Variants in SLC38A12 observed in about 807,000 individuals in gnomAD.
SLC38A12 encodes solute carrier family 38 member 12, also known as putative sodium-coupled neutral amino acid transporter 12.
the SLC38A12 span, among the ~76,000 whole-genome samples, chr17:74,811,603 C>T: frequency 6.6e-6 from 1 of 151,812 alleles, no homozygotes; most frequent in Non-Finnish European, 1.5e-5. Context: ...TGCCTGTAGC[C>T]CCAGCTACCT....
the SLC38A12 span, chr17:74,777,718 A>G: frequency 1.1e-5 from 9 of 812,356 alleles, no homozygotes; most frequent in Admixed American, 2.3e-5. Context: ...TCAGGAGTTC[A>G]AGACCAGCCT....
At chr17:74,817,876 G>A in the SLC38A12 span, among the ~76,000 whole-genome samples, 1 of 152,164 alleles carries the variant, frequency 6.6e-6, no homozygotes. Context: ...AGCCCCCACA[G>A]CTGGAGGACC....
chr17:74,800,169 C>T, the SLC38A12 span, among the ~76,000 whole-genome samples: 1 of 152,244 alleles, frequency 6.6e-6, no homozygotes. Flanking sequence ...GTTCCATAGG[C>T]CCTGCCTTGG....
chr17:74,779,683 G>T, the SLC38A12 span, among the ~76,000 whole-genome samples: 1 of 152,218 alleles, frequency 6.6e-6, no homozygotes, highest in Admixed American at 6.5e-5. Context: ...GACAACGTGG[G>T]CAGAGCTCTG....
the SLC38A12 span, chr17:74,839,364 C>T: frequency 2.0e-6 from 1 of 500,934 alleles, no homozygotes; most frequent in Non-Finnish European, 3.4e-6. Context: ...TGGAAAGCCA[C>T]TGCAGAGGGG....
the SLC38A12 span, among the ~76,000 whole-genome samples, chr17:74,822,304 C>T: frequency 2.0e-5 from 3 of 152,204 alleles, no homozygotes; most frequent in African/African-American, 7.2e-5. Flanking sequence ...GAGTCAGGCT[C>T]ACCGTAGACT....
chr17:74,799,975 T>A, the SLC38A12 span, among the ~76,000 whole-genome samples: 102 of 152,338 alleles, frequency 6.7e-4, no homozygotes, highest in African/African-American at 2.4e-3. Context: ...CCAGTGACTT[T>A]TGACTCCCAC....
At chr17:74,777,040 T>C in the SLC38A12 span, among the ~76,000 whole-genome samples, 1 of 151,904 alleles carries the variant, frequency 6.6e-6, no homozygotes, top group Non-Finnish European at 1.5e-5. Context: ...ACATCCGTGC[T>C]GGGCACAGAG....
the SLC38A12 span, among the ~76,000 whole-genome samples, chr17:74,786,976 C>T: frequency 6.6e-6 from 1 of 152,160 alleles, no homozygotes; most frequent in Non-Finnish European, 1.5e-5. Flanking sequence ...TGTGTTTGAA[C>T]GTGATCGATG....
the SLC38A12 span, chr17:74,819,661 C>A: frequency 7.6e-7 from 1 of 1,315,532 alleles, no homozygotes; most frequent in South Asian, 1.2e-5. Flanking sequence ...TAGCTATGGG[C>A]GGAGGCCACG....
At chr17:74,811,042 T>C in the SLC38A12 span, among the ~76,000 whole-genome samples, 1 of 152,212 alleles carries the variant, frequency 6.6e-6, no homozygotes, top group Non-Finnish European at 1.5e-5. Flanking sequence ...ATAAGAATAG[T>C]ACTGGGGCTG....
At chr17:74,836,177 C>G in the SLC38A12 span, 1 of 1,613,282 alleles carries the variant, frequency 6.2e-7, no homozygotes, top group Non-Finnish European at 8.5e-7. The surrounding 1 kb of genome is among the most constrained non-coding windows in gnomAD (Gnocchi z 4.2). Context: ...CCGCCATCTT[C>G]TGCTTCCGCG....
chr17:74,834,422 G>GCTCCCCTC, the SLC38A12 span, among the ~76,000 whole-genome samples: 43 of 152,062 alleles, frequency 2.8e-4, no homozygotes, highest in African/African-American at 9.9e-4. Context: ...CGGTTTCCAC[G>GCTCCCCTC]CTCCCCTCCT....
chr17:74,788,999 C>T, the SLC38A12 span: 13 of 737,412 alleles, frequency 1.8e-5, no homozygotes, highest in Non-Finnish European at 2.1e-5. Flanking sequence ...TCCTGGACCC[C>T]AGTCCCAGAG....
At chr17:74,828,430 G>C in the SLC38A12 span, among the ~76,000 whole-genome samples, 2 of 152,216 alleles carry the variant, frequency 1.3e-5, no homozygotes, top group African/African-American at 4.8e-5. Context: ...GGGAGGAGGA[G>C]TGTGCCGCGT....
chr17:74,785,383 C>A, the SLC38A12 span: 2 of 1,517,912 alleles, frequency 1.3e-6, no homozygotes, highest in Non-Finnish European at 9.0e-7. Context: ...GGCCTTCTGG[C>A]CTCCACAGTG....
chr17:74,820,468 A>G, the SLC38A12 span, among the ~76,000 whole-genome samples: 1 of 152,060 alleles, frequency 6.6e-6, no homozygotes, highest in South Asian at 2.1e-4. Context: ...GGGCTGGTCT[A>G]CTTCCGCCAC....
chr17:74,816,619 A>G, the SLC38A12 span, among the ~76,000 whole-genome samples: 1 of 152,176 alleles, frequency 6.6e-6, no homozygotes, highest in Non-Finnish European at 1.5e-5. Flanking sequence ...TCCGTCCCGG[A>G]CTTTATTCCC....
the SLC38A12 span, among the ~76,000 whole-genome samples, chr17:74,793,826 C>T: frequency 5.9e-5 from 9 of 152,202 alleles, no homozygotes; most frequent in South Asian, 2.1e-4. Context: ...AAGTGAGTGC[C>T]GAGGCCTCTT....
Sources: allele counts gnomAD v4.1 joint callset (sites outside exome capture counted in the v4.1 genomes callset), GRCh38; gene constraint gnomAD v4.1.1; non-coding constraint Gnocchi (gnomAD v3.1); transcripts MANE v1.5; gene names NCBI Gene and HGNC (gene_info 2026-07-23, HGNC 2026-07-21).